Variants in MAP3K5 observed in about 807,000 individuals in gnomAD.
MAP3K5 encodes the protein mitogen-activated protein kinase kinase kinase 5, also known as ASK-1.
MAP3K5 carries 56 observed loss-of-function variants against 158.7 expected under a neutral mutation model. The ratio of observed to expected loss-of-function variants is 0.35; its 90% CI spans 0.28 to 0.44. MAP3K5 has a LOEUF of 0.44. MAP3K5 is among the 20% of genes least tolerant of loss of function. The pLI is 1.00. For synonymous variants in MAP3K5, 579 were observed against 601.7 expected, an observed-to-expected ratio of 0.96 and a Z score of 0.55; for missense variants, 1,294 against 1,674.8, an observed-to-expected ratio of 0.77 and a Z score of 3.97.
chr6:136,624,166 C>G (rs1776933326), intron 14 of MAP3K5, among the ~76,000 whole-genome samples: 1 of 152,034 alleles, frequency 6.6e-6, no homozygotes, highest in Non-Finnish European at 1.5e-5. Flanking sequence ...TGCACTCCAG[C>G]CTGGGCAACA....
intron 28 of MAP3K5, among the ~76,000 whole-genome samples, chr6:136,559,431 C>A (rs913114677): frequency 3.9e-5 from 6 of 152,154 alleles, no homozygotes; most frequent in Non-Finnish European, 7.3e-5. Context: ...AAAAAGATTA[C>A]AAGTGACACA....
chr6:136,677,132 A>ATTTT (rs1214152994), intron 7 of MAP3K5, among the ~76,000 whole-genome samples: 19 of 93,392 alleles, frequency 2.0e-4, no homozygotes, highest in African/African-American at 5.1e-4. Flanking sequence ...GATGATATCC[A>ATTTT]TTTTTTTTTT....
intron 1 of MAP3K5, among the ~76,000 whole-genome samples, chr6:136,774,328 C>T (rs931345194): frequency 6.6e-6 from 1 of 152,112 alleles, no homozygotes; most frequent in Admixed American, 6.6e-5. Flanking sequence ...GTGGCACACA[C>T]CTGTGATCCC....
intron 15 of MAP3K5, among the ~76,000 whole-genome samples, chr6:136,614,919 T>C (rs1001556232): frequency 5.3e-5 from 8 of 152,232 alleles, no homozygotes; most frequent in Admixed American, 5.2e-4. Flanking sequence ...CTGTATCCAC[T>C]AATTCTATTA....
chr6:136,746,782 T>C (rs1265258057), intron 1 of MAP3K5, among the ~76,000 whole-genome samples: 3 of 152,240 alleles, frequency 2.0e-5, no homozygotes, highest in Non-Finnish European at 4.4e-5. Context: ...TCAGTACCTC[T>C]GGTGGCCTTG....
rs57162918 is a variant in MAP3K5 at position 136,789,675 on chromosome 6, CTTTT to C, written c.448+2031_448+2034del. ...AGGAAGCAAGGGCCAAGCACAACCTCTTTTTTTTTTTTTTTTTTTTTTTTTTTTT... is the reference window on the plus strand; with the variant it reads ...AGGAAGCAAGGGCCAAGCACAACCTCTTTTTTTTTTTTTTTTTTTTTTTTT... On this transcript the variant is annotated intron_variant, in intron 1 of 29. Transcript: ENST00000359015. Among the ~76,000 whole-genome samples the C allele has an allele frequency of 4.6e-3, 360 of 78,766 alleles. 6 individuals are homozygous for C. The highest frequency in any genetic ancestry group is 0.017 in the South Asian group (33 of 1,930). The allele number at this position is 78,766 out of a possible 152,430, so 51.7% of individuals were successfully genotyped here.
At chr6:136,579,975 G>C (rs1251188934) in intron 25 of MAP3K5, 1 of 424,424 alleles carries the variant, frequency 2.4e-6, no homozygotes, top group South Asian at 1.7e-5. Context: ...GAACCACTGG[G>C]TAAAAGATGT....
chr6:136,775,855 C>T (rs1206064664), intron 1 of MAP3K5, among the ~76,000 whole-genome samples: 2 of 152,232 alleles, frequency 1.3e-5, no homozygotes, highest in Non-Finnish European at 1.5e-5. Context: ...CTTCTGGGAT[C>T]ACTTGAAGAT....
At chr6:136,784,348 AT>A (rs1784750428) in intron 1 of MAP3K5, among the ~76,000 whole-genome samples, 1 of 152,108 alleles carries the variant, frequency 6.6e-6, no homozygotes, top group Non-Finnish European at 1.5e-5. Context: ...TTTCCGTCCG[AT>A]TTTCTAGTTA....
At chr6:136,641,967 G>A (rs921508359) in intron 12 of MAP3K5, among the ~76,000 whole-genome samples, 11 of 139,014 alleles carry the variant, frequency 7.9e-5, no homozygotes, top group South Asian at 2.3e-4. Flanking sequence ...CAGCCTGGGC[G>A]AAAACAGCAA....
At position 136,770,820 on chromosome 6, in the gene MAP3K5, C is replaced by T. The variant is rs140591362; in HGVS notation, c.448+20890G>A. On this transcript the variant is annotated intron_variant, in intron 1 of 29. Transcript: ENST00000359015. ...GATATATGTATGAAGCAAGAATCTG[C>T]ACTTAAAAGGGATAATTTTGACTAA... 4.1e-3 allele frequency among the ~76,000 whole-genome samples: 619 copies of T among 152,156 alleles called. 16 individuals are homozygous for T. Among genetic ancestry groups the T allele is most frequent in the Admixed American group, 0.038 (582 of 15,290 alleles).
At chr6:136,755,346 C>T (rs1783428790) in intron 1 of MAP3K5, among the ~76,000 whole-genome samples, 1 of 152,090 alleles carries the variant, frequency 6.6e-6, no homozygotes, top group African/African-American at 2.4e-5. Context: ...CACCTAGGCC[C>T]TCAGACACAG....
chr6:136,694,100 T>G lies in MAP3K5; in HGVS notation c.1253+40A>C, dbSNP rs559337686. ...TGCAAATACTTTTTTATGCCATGGA[T>G]TTACTAAGTAAGTAGCTCATTTATA... On this transcript the variant is annotated intron_variant, in intron 7 of 29. Coordinates refer to ENST00000359015, the MANE Select transcript of MAP3K5 (RefSeq NM_005923.4). 8.7e-5 allele frequency: 133 copies of G among 1,524,238 alleles called. 2 individuals are homozygous for G. The South Asian group carries it at 1.5e-3, about 17-fold the overall frequency. 94.4% of individuals were successfully genotyped at this position (1,524,238 alleles called of 1,614,324 possible).
chr6:136,774,579 C>T (rs751586710), intron 1 of MAP3K5, among the ~76,000 whole-genome samples: 1 of 152,198 alleles, frequency 6.6e-6, no homozygotes, highest in Non-Finnish European at 1.5e-5. Flanking sequence ...TTGTATTCTA[C>T]AAACATCATT....
Position 136,558,836 on chromosome 6 carries a change from T to C in MAP3K5, c.4028A>G (p.Tyr1343Cys), listed in dbSNP as rs776779277. The change falls in exon 29 of 30, where the codon TAT (tyrosine) becomes TGT (cysteine). Residue 1343 changes from tyrosine (Y) to cysteine (C), a missense_variant. Physicochemically the swap from Tyr to Cys is radical, Grantham distance 194 (BLOSUM62 -2). Around this residue, in one of 5 missense-constraint regions of MAP3K5, gnomAD observed 199 missense variants for 220.3 expected, o/e 0.90. Coordinates refer to ENST00000359015, the MANE Select transcript of MAP3K5 (RefSeq NM_005923.4). ...EDYTLLDVLY[Y>C]VTRDDLKCLR... is the part of the protein sequence containing the mutation. ...GCATTTTAAGTCATCACGTGTAACA[T>C]AGTAGAGAACATCCAATAGTGTATA... 12 of 1,605,116 alleles carry C rather than the reference T, an allele frequency of 7.5e-6. No individual in the cohort carries two copies. Among genetic ancestry groups the C allele is most frequent in the South Asian group, 1.1e-5 (1 of 90,642 alleles).
At chr6:136,713,295 A>G (rs1781389478) in intron 2 of MAP3K5, among the ~76,000 whole-genome samples, 1 of 152,220 alleles carries the variant, frequency 6.6e-6, no homozygotes, top group Non-Finnish European at 1.5e-5. Context: ...ATATAATGGC[A>G]TTGTGCATCG....
chr6:136,754,714 A>G (rs901542724), intron 1 of MAP3K5, among the ~76,000 whole-genome samples: 24 of 152,236 alleles, frequency 1.6e-4, no homozygotes, highest in African/African-American at 5.5e-4. Flanking sequence ...AGATGTCCAG[A>G]AGAATGCTTC....
chr6:136,743,138 C>T (rs907749960), intron 1 of MAP3K5, among the ~76,000 whole-genome samples: 1 of 151,216 alleles, frequency 6.6e-6, no homozygotes, highest in African/African-American at 2.4e-5. Flanking sequence ...CATCTGTCAT[C>T]AGGGAATTGC....
chr6:136,600,187 A>ATTTT lies in MAP3K5; in HGVS notation c.2878+831_2878+834dup, dbSNP rs907571176. 9.0e-5 allele frequency among the ~76,000 whole-genome samples: 12 copies of ATTTT among 132,726 alleles called. No individual in the cohort carries two copies. The East Asian group carries it at 1.3e-3, about 15-fold the overall frequency. 87.1% of individuals were successfully genotyped at this position (132,726 alleles called of 152,430 possible). On this transcript the variant is annotated intron_variant, in intron 21 of 29. Coordinates refer to ENST00000359015, the MANE Select transcript of MAP3K5 (RefSeq NM_005923.4). ...AGGAAAATCCAACACCATGCTGTTA[A>ATTTT]TTTTTTTTTTTTTTTTTTTTTGAGA...
Sources: allele counts gnomAD v4.1 joint callset (sites outside exome capture counted in the v4.1 genomes callset), GRCh38; gene constraint gnomAD v4.1.1; regional missense constraint gnomAD v4.1.1; transcripts MANE v1.5; gene names NCBI Gene and HGNC (gene_info 2026-07-23, HGNC 2026-07-21).